The following MAP2 variants were observed in gnomAD, a reference collection of about 807,000 sequenced individuals.
MAP2 encodes microtubule associated protein 2, also known as microtubule-associated protein 2.
MAP2 carries 14 observed loss-of-function variants against 137.6 expected under a neutral mutation model. The observed-to-expected ratio is 0.10, with a 90% CI of 0.07 to 0.16. The LOEUF is 0.16. Among genes scored for constraint, MAP2 ranks in the 10% least tolerant of loss-of-function variants. The pLI is 1.00. For missense variants in MAP2, 2,088 were observed against 2,191.5 expected (o/e 0.95, Z 0.94); for synonymous variants, 786 against 782.3 (o/e 1.00, Z -0.08).
intron 5 of MAP2, among the ~76,000 whole-genome samples, chr2:209,659,462 A>G (rs995337755): frequency 2.0e-5 from 3 of 152,182 alleles, no homozygotes; most frequent in African/African-American, 4.8e-5. Context: ...TGCTGTTTCC[A>G]CTATCCCCAT....
At chr2:209,557,419 T>C (rs994284376) in intron 2 of MAP2, among the ~76,000 whole-genome samples, 3 of 151,898 alleles carry the variant, frequency 2.0e-5, no homozygotes, top group Non-Finnish European at 4.4e-5. Flanking sequence ...AAAAATGTGG[T>C]TTTTTTTCCC....
At chr2:209,458,783 C>T (rs1702111139) in intron 1 of MAP2, among the ~76,000 whole-genome samples, 1 of 152,128 alleles carries the variant, frequency 6.6e-6, no homozygotes, top group Non-Finnish European at 1.5e-5. Context: ...ACGATGCTCC[C>T]TCCACCTGCC....
In MAP2 at chr2:209,692,826, A is replaced by G; in HGVS notation, c.656A>G (p.Glu219Gly). The change falls in exon 8 of 16, where the codon GAA (glutamate) becomes GGA (glycine). Residue 219 changes from glutamate to glycine, a missense_variant. Around this residue, in one of 6 missense-constraint regions of MAP2, gnomAD observed 859 missense variants for 794.5 expected, o/e 1.08. Transcript: ENST00000682079. ...DKKDMQGTEE[E>G]KAPLALFGHT... ...AAGGACATGCAAGGCACGGAAGAAGAAAAAGCACCCCTAGCTTTGTTTGGG... is the reference window on the plus strand; with the variant it reads ...AAGGACATGCAAGGCACGGAAGAAGGAAAAGCACCCCTAGCTTTGTTTGGG... The G allele has an allele frequency of 1.2e-6, 2 of 1,612,428 alleles. No individual in the cohort carries two copies. The highest frequency in any genetic ancestry group is 1.7e-6 in the Non-Finnish European group (2 of 1,179,538).
At chr2:209,614,061 CA>C (rs1278736617) in intron 3 of MAP2, among the ~76,000 whole-genome samples, 3 of 152,042 alleles carry the variant, frequency 2.0e-5, no homozygotes, top group African/African-American at 4.8e-5. Context: ...GAAAGCTTTT[CA>C]ATACCGTGCA....
intron 2 of MAP2, among the ~76,000 whole-genome samples, chr2:209,533,896 T>C (rs748329289): frequency 3.9e-5 from 6 of 152,116 alleles, no homozygotes; most frequent in Non-Finnish European, 7.4e-5. Context: ...AAGCAAAAGA[T>C]AGGTCTTTCC....
chr2:209,692,274 T>C (rs892103745), intron 7 of MAP2, among the ~76,000 whole-genome samples: 13 of 151,086 alleles, frequency 8.6e-5, no homozygotes, highest in African/African-American at 2.9e-4. Flanking sequence ...ATAACTTTTA[T>C]GTATAGAAGG....
intron 13 of MAP2, among the ~76,000 whole-genome samples, chr2:209,724,994 C>G (rs2073304394): frequency 6.6e-6 from 1 of 152,264 alleles, no homozygotes; most frequent in African/African-American, 2.4e-5. Flanking sequence ...CTTAAATTTT[C>G]CTCTAGGAAA....
chr2:209,429,155 T>A (rs1474513869), intron 1 of MAP2, among the ~76,000 whole-genome samples: 2 of 151,854 alleles, frequency 1.3e-5, no homozygotes, highest in African/African-American at 4.8e-5. Context: ...GGGTTTCACC[T>A]TGTTAGCCAG....
At chr2:209,492,431 T>G (rs1407724337) in intron 1 of MAP2, among the ~76,000 whole-genome samples, 1 of 152,196 alleles carries the variant, frequency 6.6e-6, no homozygotes, top group East Asian at 1.9e-4. Context: ...TATTAGAAGT[T>G]CTGGCCAGAG....
chr2:209,528,886 G>GTA (rs556581315), intron 2 of MAP2, among the ~76,000 whole-genome samples: 6,173 of 138,916 alleles, frequency 0.044, 174 homozygotes, highest in African/African-American at 0.082. Flanking sequence ...ATATATGTGT[G>GTA]TATATACATA....
intron 1 of MAP2, among the ~76,000 whole-genome samples, chr2:209,501,037 C>CAAAA (rs34783349): frequency 1.7e-4 from 20 of 115,272 alleles, no homozygotes; most frequent in South Asian, 9.3e-4. Flanking sequence ...GACCCTGTCT[C>CAAAA]AAAAAAAAAA....
Position 209,733,928 on chromosome 2 carries a change from G to T in MAP2, c.*3531G>T, listed in dbSNP as rs1455875024. Reference sequence around the variant, plus strand: ...ATACTCTGTATGCTGGGATTCCGAGGTTCCAACACACTGTTACAAATCTGT... The same window carrying T: ...ATACTCTGTATGCTGGGATTCCGAGTTTCCAACACACTGTTACAAATCTGT... On this transcript the variant is annotated 3_prime_UTR_variant, in exon 16 of 16. Transcript: ENST00000682079. 6.6e-6 allele frequency: 1 copy of T among 152,550 alleles called. No homozygotes were observed. The highest frequency in any genetic ancestry group is 1.5e-5 in the Non-Finnish European group (1 of 68,034). The allele number at this position is 152,550 out of a possible 1,614,324, so 9.4% of individuals were successfully genotyped here.
intron 2 of MAP2, among the ~76,000 whole-genome samples, chr2:209,559,404 C>T (rs1179782122): frequency 6.9e-6 from 1 of 145,654 alleles, no homozygotes; most frequent in African/African-American, 2.6e-5. Context: ...GAGGCCGAGG[C>T]AGGCAGATCA....
chr2:209,608,580 A>G (rs1266502847), intron 3 of MAP2, among the ~76,000 whole-genome samples: 1 of 152,150 alleles, frequency 6.6e-6, no homozygotes, highest in Non-Finnish European at 1.5e-5. Flanking sequence ...CCACTCTATC[A>G]TTGGTCCATC....
At chr2:209,568,104 G>T (rs933251422) in intron 2 of MAP2, among the ~76,000 whole-genome samples, 2 of 151,912 alleles carry the variant, frequency 1.3e-5, no homozygotes, top group East Asian at 3.8e-4. Context: ...ATAAATACCT[G>T]CATAGATAAT....
chr2:209,693,853 A>G lies in MAP2; in HGVS notation c.1683A>G (p.Pro561=), dbSNP rs1470588363. 1 of 1,613,318 alleles carries G rather than the reference A, an allele frequency of 6.2e-7. No individual in the cohort carries two copies. Among genetic ancestry groups the G allele is most frequent in the South Asian group, 1.1e-5 (1 of 90,830 alleles). Residue 561 remains proline, a synonymous_variant, in exon 8 of 16, where the codon CCA becomes CCG. Transcript: ENST00000682079. The part of the protein sequence containing the change: ...GAATSAELDM[P]FYEDKSGMSK... ...CAACATCAGCTGAGCTTGATATGCC[A>G]TTTTATGAAGATAAATCAGGAATGT...
intron 1 of MAP2, among the ~76,000 whole-genome samples, chr2:209,438,773 T>C (rs1697008896): frequency 6.6e-6 from 1 of 151,496 alleles, no homozygotes; most frequent in East Asian, 1.9e-4. Flanking sequence ...GAATGAAAAG[T>C]AACCTTACGA....
chr2:209,725,036 G>T (rs541291520), intron 13 of MAP2, among the ~76,000 whole-genome samples: 1 of 152,284 alleles, frequency 6.6e-6, no homozygotes, highest in South Asian at 2.1e-4. Flanking sequence ...AGACATCCTG[G>T]CCCTGTCCTC....
Position 209,690,926 on chromosome 2 carries a change from A to G in MAP2, c.455-1699A>G, listed in dbSNP as rs554716697. 4.2e-6 allele frequency: 5 copies of G among 1,178,876 alleles called. No homozygotes were observed. In the East Asian group the frequency reaches 2.9e-4, roughly 68 times the overall value. 73.0% of individuals were successfully genotyped at this position (1,178,876 alleles called of 1,614,324 possible). A position where few individuals can be genotyped will look rare whatever the true frequency, so the allele number is the denominator to read the frequency against. On this transcript the variant is annotated intron_variant, in intron 7 of 15. Coordinates refer to ENST00000682079, the MANE Select transcript of MAP2 (RefSeq NM_001375505.1). ...GGCTTACCAACCTGATGCCTTTCCA[A>G]CGCTATTTCGCTATTTCATCGCTGG...
Sources: allele counts gnomAD v4.1 joint callset (sites outside exome capture counted in the v4.1 genomes callset), GRCh38; gene constraint gnomAD v4.1.1; regional missense constraint gnomAD v4.1.1; transcripts MANE v1.5; gene names NCBI Gene and HGNC (gene_info 2026-07-23, HGNC 2026-07-21).